SLC30A10: variants seen among roughly 807,000 people sequenced by gnomAD.
The protein encoded by SLC30A10 is calcium/manganese antiporter SLC30A10.
A neutral mutation model predicts 21.7 loss-of-function variants in SLC30A10; 8 were observed. The observed-to-expected ratio is 0.37, with a 90% CI of 0.22 to 0.67. SLC30A10 has a LOEUF of 0.67. SLC30A10 is among the 30% of genes least tolerant of loss of function. SLC30A10 has a pLI of 0.58. For missense variants in SLC30A10, 521 were observed against 642.5 expected (o/e 0.81, Z 2.04); for synonymous variants, 272 against 279.4 (o/e 0.97, Z 0.26).
At position 219,920,693 on chromosome 1, in the gene SLC30A10, C is replaced by T. The variant is rs180885490; in HGVS notation, c.719-2199G>A. Among the ~76,000 whole-genome samples the T allele has an allele frequency of 1.1e-4, 17 of 152,260 alleles. No homozygotes were observed. In the East Asian group the frequency reaches 3.1e-3, roughly 28 times the overall value. On this transcript the variant is annotated intron_variant, in intron 2 of 3. Transcript: ENST00000366926. Reference sequence around the variant, plus strand: ...AGCGTATTATACTTACCCATTAAGTCCTTTTAAGGACTGTAAGGTGGTTAC... The same window carrying T: ...AGCGTATTATACTTACCCATTAAGTTCTTTTAAGGACTGTAAGGTGGTTAC...
intron 2 of SLC30A10, among the ~76,000 whole-genome samples, chr1:219,920,971 C>G (rs1303336758): frequency 1.3e-5 from 2 of 152,170 alleles, no homozygotes; most frequent in Non-Finnish European, 2.9e-5. Flanking sequence ...TACAAGACAT[C>G]ATGGCTATCA....
chr1:219,917,886 T>C (rs1659583966), intron 3 of SLC30A10, among the ~76,000 whole-genome samples: 1 of 152,112 alleles, frequency 6.6e-6, no homozygotes, highest in African/African-American at 2.4e-5. Context: ...AATTTTTTTG[T>C]ATTTTTAGTA....
chr1:219,927,183 AG>A, intron 1 of SLC30A10, 78 bp from the exon 2 acceptor site: 3 of 1,472,258 alleles, frequency 2.0e-6, no homozygotes, highest in Non-Finnish European at 2.8e-6. Flanking sequence ...CTCAAAATAA[AG>A]TTTTGTTATT....
At position 219,928,259 on chromosome 1, in the gene SLC30A10, G is replaced by A; in HGVS notation, c.182C>T (p.Ala61Val). 2.5e-6 allele frequency: 4 copies of A among 1,587,864 alleles called. No homozygotes were observed. The highest frequency in any genetic ancestry group is 3.4e-6 in the Non-Finnish European group (4 of 1,168,246). Residue 61 changes from alanine (A) to valine (V), a missense_variant, in exon 1 of 4, where the codon GCC becomes GTC. By Grantham distance (64) the Ala-to-Val change is moderately conservative (BLOSUM62 0). Coordinates refer to ENST00000366926, the MANE Select transcript of SLC30A10 (RefSeq NM_018713.3). This position sits in a 1 kb window ranked among gnomAD's most constrained non-coding sequence, Gnocchi z 6.3. ...LCVGLSAGYI[A>V]RRPTRGFSAT... ...GCTGAAGCCCCGGGTGGGGCGCCGG[G>A]CGATGTAGCCGGCGCTCAGGCCCAC...
chr1:219,953,478 C>G (rs1285445111), intron 1 of SLC30A10, among the ~76,000 whole-genome samples: 1 of 151,682 alleles, frequency 6.6e-6, no homozygotes, highest in Non-Finnish European at 1.5e-5. Context: ...AGCCTGTAAT[C>G]CCACCTACTC....
At position 219,911,300 on chromosome 1, in the gene SLC30A10, G is replaced by T. The variant is rs1298275213; in HGVS notation, c.*4149C>A. Among the ~76,000 whole-genome samples the T allele has an allele frequency of 6.6e-6, 1 of 151,804 alleles. No homozygotes were observed. The highest frequency in any genetic ancestry group is 1.5e-5 in the Non-Finnish European group (1 of 67,964). ...GCAAAGGATAAAATTAGCCATAAAT[G>T]ATAAAGATTTTTTTAACATCTGAAC... is the stretch of plus-strand genomic sequence containing the variant. On this transcript the variant is annotated 3_prime_UTR_variant, in exon 4 of 4. Coordinates refer to ENST00000366926, the MANE Select transcript of SLC30A10 (RefSeq NM_018713.3).
intron 1 of SLC30A10, among the ~76,000 whole-genome samples, chr1:219,950,716 G>A (rs1206892245): frequency 3.3e-5 from 5 of 151,870 alleles, no homozygotes; most frequent in Admixed American, 1.3e-4. Flanking sequence ...TTGGGAGGCC[G>A]AGACAGGTGG....
intron 1 of SLC30A10, among the ~76,000 whole-genome samples, chr1:219,936,188 T>C (rs1253051899): frequency 1.3e-5 from 2 of 152,228 alleles, no homozygotes; most frequent in African/African-American, 4.8e-5. Context: ...ACAGAATTTC[T>C]GAGCCTTAGT....
intron 1 of SLC30A10, among the ~76,000 whole-genome samples, chr1:219,955,489 G>A (rs928268523): frequency 4.5e-4 from 68 of 152,220 alleles, no homozygotes; most frequent in African/African-American, 1.2e-3. Flanking sequence ...GGTTCTGTAT[G>A]TCTGATTCTC....
chr1:219,910,452 T>TA lies in SLC30A10; in HGVS notation c.*4996dup, dbSNP rs1659385199. Among the ~76,000 whole-genome samples, 1 of 152,198 alleles carries TA rather than the reference T, an allele frequency of 6.6e-6. No individual in the cohort carries two copies. Among genetic ancestry groups the TA allele is most frequent in the Non-Finnish European group, 1.5e-5 (1 of 68,022 alleles). On this transcript the variant is annotated 3_prime_UTR_variant, in exon 4 of 4. Transcript: ENST00000366926. ...ATATCTCAGTCATGTTTCTATTTTTTAAAAAAATTTTATTTACAGCACCAT... is the reference window on the plus strand; with the variant it reads ...ATATCTCAGTCATGTTTCTATTTTTTAAAAAAAATTTTATTTACAGCACCAT...
intron 1 of SLC30A10, among the ~76,000 whole-genome samples, chr1:219,956,243 T>C (rs769656279): frequency 8.0e-5 from 12 of 150,900 alleles, no homozygotes; most frequent in Non-Finnish European, 1.3e-4. Flanking sequence ...TGATCATAGC[T>C]CACTGCAGCC....
At chr1:219,953,673 T>TATTTTA (rs1439343122) in intron 1 of SLC30A10, among the ~76,000 whole-genome samples, 72 of 57,160 alleles carry the variant, frequency 1.3e-3, no homozygotes, top group African/African-American at 3.8e-3. Flanking sequence ...AATTTTATTT[T>TATTTTA]ATTTTATTTT....
Position 219,928,232 on chromosome 1 carries a change from G to C in SLC30A10, c.209C>G (p.Ala70Gly). Residue 70 changes from alanine to glycine, a missense_variant, in exon 1 of 4, where the codon GCC becomes GGC. Ala to Gly is a moderately conservative substitution (Grantham distance 60). Coordinates refer to ENST00000366926, the MANE Select transcript of SLC30A10 (RefSeq NM_018713.3). This position sits in a 1 kb window ranked among gnomAD's most constrained non-coding sequence, Gnocchi z 6.3. The part of the protein sequence containing the change: ...IARRPTRGFS[A>G]TYGYARAEVV... ...CTCGGCGCGGGCGTAGCCGTAGGTG[G>C]CGCTGAAGCCCCGGGTGGGGCGCCG... 6.4e-7 allele frequency: 1 copy of C among 1,570,146 alleles called. No individual in the cohort carries two copies. The highest frequency in any genetic ancestry group is 8.6e-7 in the Non-Finnish European group (1 of 1,158,230).
intron 1 of SLC30A10, among the ~76,000 whole-genome samples, chr1:219,953,745 T>C (rs1660305853): frequency 6.6e-6 from 1 of 150,944 alleles, no homozygotes; most frequent in African/African-American, 2.5e-5. Flanking sequence ...CTTGCTCTGT[T>C]GCCCAGGCTG....
At chr1:219,921,838 C>T (rs1265492031) in intron 2 of SLC30A10, among the ~76,000 whole-genome samples, 3 of 150,978 alleles carry the variant, frequency 2.0e-5, no homozygotes, top group African/African-American at 7.3e-5. Flanking sequence ...CCATTAACTA[C>T]AGTGCACTGG....
intron 1 of SLC30A10, among the ~76,000 whole-genome samples, chr1:219,934,009 C>T (rs534762790): frequency 5.9e-5 from 9 of 152,136 alleles, no homozygotes; most frequent in Non-Finnish European, 1.2e-4. Flanking sequence ...CAAATAAAGG[C>T]CGGGTGTGGT....
intron 1 of SLC30A10, among the ~76,000 whole-genome samples, chr1:219,951,169 G>A (rs188512129): frequency 1.1e-4 from 16 of 151,832 alleles, no homozygotes; most frequent in Admixed American, 3.3e-4. Flanking sequence ...CTATGTTGCC[G>A]AGGCTGGTCT....
intron 1 of SLC30A10, among the ~76,000 whole-genome samples, chr1:219,937,128 CATAAGTTCGTGTTTTATTTT>C (rs1660055418): frequency 6.6e-6 from 1 of 152,100 alleles, no homozygotes; most frequent in South Asian, 2.1e-4. Context: ...GTATGAAATT[CATAAGTTCGTGTTTTATTTT>C]ATTTCTGAGA....
chr1:219,921,921 C>CAGAGAGAGAG (rs57806725), intron 2 of SLC30A10, among the ~76,000 whole-genome samples: 3,125 of 137,874 alleles, frequency 0.023, 126 homozygotes, highest in African/African-American at 0.082. Context: ...GAGAGAGAGA[C>CAGAGAGAGAG]AGAGAGAGAG....
Sources: gnomAD v4.1 joint callset for allele counts (sites outside exome capture counted in the v4.1 genomes callset) on GRCh38, gnomAD v4.1.1 for gene constraint, Gnocchi (gnomAD v3.1) non-coding constraint, MANE v1.5 for transcripts, NCBI Gene and HGNC (gene_info 2026-07-23, HGNC 2026-07-21) for gene names.